Variants in AGO3 observed in about 807,000 individuals in gnomAD.
AGO3 encodes argonaute RISC catalytic component 3, also known as protein argonaute-3.
AGO3 carries 16 observed loss-of-function variants against 105.5 expected under a neutral mutation model. The ratio of observed to expected loss-of-function variants is 0.15; its 90% CI spans 0.10 to 0.23. The LOEUF is 0.23. AGO3 is among the 10% of genes least tolerant of loss of function. The probability of loss-of-function intolerance (pLI) is 1.00; values close to 1 mark genes in which losing one functional copy is unlikely to be tolerated. For missense variants in AGO3, 534 were observed against 1,088.0 expected (o/e 0.49, Z 7.16); for synonymous variants, 340 against 367.3 (o/e 0.93, Z 0.85).
chr1:35,952,621 C>T lies in AGO3; in HGVS notation c.191+6758C>T, dbSNP rs56915022. Among the ~76,000 whole-genome samples the T allele has an allele frequency of 7.3e-3, 1,105 of 152,118 alleles. 10 individuals are homozygous for T. Among genetic ancestry groups the T allele is most frequent in the African/African-American group, 0.025 (1,044 of 41,514 alleles). On this transcript the variant is annotated intron_variant, in intron 2 of 18. Coordinates refer to ENST00000373191, the MANE Select transcript of AGO3 (RefSeq NM_024852.4). ...TGGTGGTCCCATAAGATTATAATAC[C>T]GTATTTTTACTGTACCTTTTTATGT...
chr1:35,967,312 T>C (rs1245505390), intron 3 of AGO3, among the ~76,000 whole-genome samples: 1 of 152,204 alleles, frequency 6.6e-6, no homozygotes, highest in East Asian at 1.9e-4. Context: ...ACCTTTGTTT[T>C]ATTTTTTTTC....
chr1:35,943,406 G>C (rs781661472), intron 1 of AGO3, among the ~76,000 whole-genome samples: 77 of 147,560 alleles, frequency 5.2e-4, no homozygotes, highest in Non-Finnish European at 9.1e-4. Context: ...GGTTCAAGCA[G>C]TTCTGTCATC....
chr1:35,990,794 T>C (rs959920867), intron 5 of AGO3, among the ~76,000 whole-genome samples: 1 of 152,224 alleles, frequency 6.6e-6, no homozygotes, highest in Non-Finnish European at 1.5e-5. Flanking sequence ...TGAGTTCAGG[T>C]ATAAGATTGC....
chr1:35,931,062 G>A (rs1300010815), upstream of AGO3: 4 of 386,976 alleles, frequency 1.0e-5, no homozygotes, highest in Middle Eastern at 1.3e-3. Flanking sequence ...GGCAAGCCAG[G>A]CAGCGGAACT....
intron 12 of AGO3, among the ~76,000 whole-genome samples, chr1:36,029,751 G>A (rs1641681783): frequency 6.8e-6 from 1 of 147,310 alleles, no homozygotes; most frequent in South Asian, 2.1e-4. Flanking sequence ...GGAGTGCAGT[G>A]GCATGATCTC....
chr1:35,969,538 A>G (rs557858712), intron 3 of AGO3, among the ~76,000 whole-genome samples: 7 of 152,216 alleles, frequency 4.6e-5, no homozygotes, highest in Non-Finnish European at 8.8e-5. Flanking sequence ...CTTTTACTCT[A>G]TTTATTGATT....
chr1:36,070,989 T>G lies in AGO3; in HGVS notation c.*15244T>G, dbSNP rs542595065. The G allele has an allele frequency of 6.6e-6, 1 of 152,304 alleles. No individual in the cohort carries two copies. The highest frequency in any genetic ancestry group is 1.9e-4 in the East Asian group (1 of 5,192). The allele number at this position is 152,304 out of a possible 1,614,324, so 9.4% of individuals were successfully genotyped here. ...TGCGTATGTGTGTCTATATCAATAT[T>G]TTATGTTTATAACTCTGCGTATTAA... is the stretch of plus-strand genomic sequence containing the variant. On this transcript the variant is annotated 3_prime_UTR_variant, in exon 19 of 19. Coordinates refer to ENST00000373191, the MANE Select transcript of AGO3 (RefSeq NM_024852.4).
intron 1 of AGO3, among the ~76,000 whole-genome samples, chr1:35,939,296 A>C (rs576452704): frequency 6.6e-6 from 1 of 152,246 alleles, no homozygotes; most frequent in South Asian, 2.1e-4. Context: ...AATTCTGTTC[A>C]TTGCTTATTC....
chr1:35,976,161 C>A (rs753505709), intron 5 of AGO3, among the ~76,000 whole-genome samples: 1 of 152,108 alleles, frequency 6.6e-6, no homozygotes, highest in Non-Finnish European at 1.5e-5. Flanking sequence ...TCTCGAACTC[C>A]TGATTTCAGG....
chr1:36,004,218 A>G (rs1054058312), intron 5 of AGO3, 123 bp from the exon 6 acceptor site: 2 of 1,012,454 alleles, frequency 2.0e-6, no homozygotes, highest in Non-Finnish European at 2.7e-6. Context: ...GGAAATTTGT[A>G]TGTACATAAA....
Position 36,055,126 on chromosome 1 carries a change from G to T in AGO3, c.2455G>T (p.Val819Leu). 1 of 1,607,614 alleles carries T rather than the reference G, an allele frequency of 6.2e-7. No homozygotes were observed. The highest frequency in any genetic ancestry group is 8.5e-7 in the Non-Finnish European group (1 of 1,176,468). Residue 819 changes from valine (V) to leucine (L), a missense_variant, in exon 18 of 19, where the codon GTG becomes TTG. By Grantham distance (32) the Val-to-Leu change is conservative. Around this residue, in one of 2 missense-constraint regions of AGO3, gnomAD observed 373 missense variants for 854.0 expected, o/e 0.44. Coordinates refer to ENST00000373191, the MANE Select transcript of AGO3 (RefSeq NM_024852.4). The surrounding 1 kb of genome is among the most constrained non-coding windows in gnomAD (Gnocchi z 4.4). Reference protein sequence around the residue: ...LVAFRARYHLVDKEHDSAEGS... With the variant: ...LVAFRARYHLLDKEHDSAEGS... ...AGCATTTAGAGCCAGATATCATCTT[G>T]TGGACAAAGAACATGACAGGTAATA...
At chr1:35,968,205 A>C (rs1318111118) in intron 3 of AGO3, among the ~76,000 whole-genome samples, 4 of 152,148 alleles carry the variant, frequency 2.6e-5, no homozygotes, top group African/African-American at 9.7e-5. Context: ...GTTTTCTCCT[A>C]TTGGGGTATT....
In AGO3 at chr1:36,061,816, C is replaced by A. The variant is rs1171141310; in HGVS notation, c.*6071C>A. 6.6e-6 allele frequency: 1 copy of A among 152,004 alleles called. No individual in the cohort carries two copies. The highest frequency in any genetic ancestry group is 2.4e-5 in the African/African-American group (1 of 41,360). The allele number at this position is 152,004 out of a possible 1,614,324, so 9.4% of individuals were successfully genotyped here. On this transcript the variant is annotated 3_prime_UTR_variant, in exon 19 of 19. Transcript: ENST00000373191. Reference sequence around the variant, plus strand: ...GTAGATTTTTATTTTTCAAGTAGCACGAAGCTAAGAATTTTAAAGATAAAT... The same window carrying A: ...GTAGATTTTTATTTTTCAAGTAGCAAGAAGCTAAGAATTTTAAAGATAAAT...
At chr1:35,987,508 G>A (rs925636712) in intron 5 of AGO3, among the ~76,000 whole-genome samples, 8 of 151,466 alleles carry the variant, frequency 5.3e-5, no homozygotes, top group African/African-American at 1.5e-4. Flanking sequence ...AAAAGCAAAA[G>A]GATATGTTAT....
chr1:35,941,664 G>C (rs1031127229), intron 1 of AGO3, among the ~76,000 whole-genome samples: 2 of 152,070 alleles, frequency 1.3e-5, no homozygotes, highest in African/African-American at 4.8e-5. Flanking sequence ...CCTTTATAGG[G>C]TTGGTATGAA....
At chr1:35,937,414 C>T (rs1646170250) in intron 1 of AGO3, among the ~76,000 whole-genome samples, 1 of 150,902 alleles carries the variant, frequency 6.6e-6, no homozygotes, top group Non-Finnish European at 1.5e-5. Context: ...GTTTCCCAGC[C>T]GGATGTGGTG....
Position 36,069,041 on chromosome 1 carries a change from G to A in AGO3, c.*13296G>A, listed in dbSNP as rs1643129415. 1 of 152,202 alleles carries A rather than the reference G, an allele frequency of 6.6e-6. No homozygotes were observed. Among genetic ancestry groups the A allele is most frequent in the South Asian group, 2.1e-4 (1 of 4,832 alleles). 9.4% of individuals were successfully genotyped at this position (152,202 alleles called of 1,614,324 possible). ...CTTAGGCAATTCGTTTAATCTCTGT[G>A]TGCCTAGTTTCCCCTTGTAAATAAG... On this transcript the variant is annotated 3_prime_UTR_variant, in exon 19 of 19. Coordinates refer to ENST00000373191, the MANE Select transcript of AGO3 (RefSeq NM_024852.4).
At position 35,969,492 on chromosome 1, in the gene AGO3, G is replaced by A. The variant is rs1046434038; in HGVS notation, c.312+2417G>A. On this transcript the variant is annotated intron_variant, in intron 3 of 18. Transcript: ENST00000373191. ...TTTCTAATTCTGTCATTCATTCTCCGTATGTTCATTAATCTGCTGTAAGGG... is the reference window on the plus strand; with the variant it reads ...TTTCTAATTCTGTCATTCATTCTCCATATGTTCATTAATCTGCTGTAAGGG... 5.3e-5 allele frequency among the ~76,000 whole-genome samples: 8 copies of A among 151,984 alleles called. No homozygotes were observed. In the South Asian group the frequency reaches 6.2e-4, roughly 12 times the overall value.
intron 5 of AGO3, among the ~76,000 whole-genome samples, chr1:35,994,635 A>G (rs1648096195): frequency 6.6e-6 from 1 of 152,200 alleles, no homozygotes; most frequent in Non-Finnish European, 1.5e-5. Context: ...AATCTACCAA[A>G]ACAAACCCCA....
Sources: gnomAD v4.1 joint callset for allele counts (sites outside exome capture counted in the v4.1 genomes callset) on GRCh38, gnomAD v4.1.1 for gene constraint, gnomAD v4.1.1 regional missense constraint, Gnocchi (gnomAD v3.1) non-coding constraint, MANE v1.5 for transcripts, NCBI Gene and HGNC (gene_info 2026-07-23, HGNC 2026-07-21) for gene names.